The following TMEM178B variants were observed in gnomAD, a reference collection of about 807,000 sequenced individuals.
TMEM178B encodes transmembrane protein 178B.
TMEM178B carries 5 observed loss-of-function variants against 31.0 expected under a neutral mutation model. That is an observed-to-expected ratio of 0.16 (90% CI 0.08 to 0.34). The LOEUF is 0.34. Ranked by LOEUF, TMEM178B falls within the 10% of genes least tolerant of loss-of-function variation. The pLI, the probability that TMEM178B is intolerant of heterozygous loss-of-function variation, is 1.00. For missense variants in TMEM178B, 275 were observed against 400.3 expected (o/e 0.69, Z 2.67); for synonymous variants, 164 against 164.0 (o/e 1.00, Z 0.00).
At chr7:141,381,101 A>G (rs761840465) in intron 2 of TMEM178B, among the ~76,000 whole-genome samples, 1 of 152,214 alleles carries the variant, frequency 6.6e-6, no homozygotes, top group Non-Finnish European at 1.5e-5. Flanking sequence ...GAGTGAGGTG[A>G]GACAAATGGA....
intron 2 of TMEM178B, among the ~76,000 whole-genome samples, chr7:141,317,618 G>A (rs1402755079): frequency 6.6e-6 from 1 of 152,186 alleles, no homozygotes; most frequent in Non-Finnish European, 1.5e-5. Context: ...TGTCTGTCCA[G>A]GAGTGATAGG....
chr7:141,310,058 AT>A (rs1301432637), intron 2 of TMEM178B, among the ~76,000 whole-genome samples: 1 of 152,226 alleles, frequency 6.6e-6, no homozygotes, highest in African/African-American at 2.4e-5. Flanking sequence ...GTCAAAAGCA[AT>A]TGCAACAAAA....
At chr7:141,239,368 G>C (rs895823328) in intron 2 of TMEM178B, among the ~76,000 whole-genome samples, 1 of 152,144 alleles carries the variant, frequency 6.6e-6, no homozygotes, top group Non-Finnish European at 1.5e-5. Context: ...CGGCAATGGA[G>C]TTGCAGCAAA....
At chr7:141,129,470 AG>A (rs1044207851) in intron 1 of TMEM178B, among the ~76,000 whole-genome samples, 5 of 152,208 alleles carry the variant, frequency 3.3e-5, no homozygotes, top group African/African-American at 1.2e-4. Context: ...CCATGTCACC[AG>A]CACTCAGATC....
intron 2 of TMEM178B, among the ~76,000 whole-genome samples, chr7:141,257,369 T>G (rs1406949869): frequency 6.6e-6 from 1 of 152,230 alleles, no homozygotes; most frequent in Admixed American, 6.5e-5. Context: ...TAGCTCTTGC[T>G]GTTGAGAGTT....
At chr7:141,413,401 C>T (rs1801031456) in intron 2 of TMEM178B, among the ~76,000 whole-genome samples, 1 of 152,138 alleles carries the variant, frequency 6.6e-6, no homozygotes, top group Admixed American at 6.5e-5. Flanking sequence ...AAGATTGCCT[C>T]ATGGACAAAT....
chr7:141,499,351 C>T, the TMEM178B span, among the ~76,000 whole-genome samples: 4,093 of 150,236 alleles, frequency 0.027, 188 homozygotes, highest in African/African-American at 0.096. Flanking sequence ...AAGACGGCTG[C>T]ATGTTGTGGC....
At chr7:141,228,837 C>T (rs908636849) in intron 2 of TMEM178B, among the ~76,000 whole-genome samples, 13 of 152,072 alleles carry the variant, frequency 8.5e-5, no homozygotes, top group South Asian at 2.1e-4. Flanking sequence ...TGATCAACTT[C>T]GTCATCATTG....
At position 141,479,965 on chromosome 7, in the gene TMEM178B, T is replaced by G. The variant is rs1802444323; in HGVS notation, c.*9179T>G. The G allele has an allele frequency of 6.6e-6, 1 of 152,228 alleles. No individual in the cohort carries two copies. Among genetic ancestry groups the G allele is most frequent in the Non-Finnish European group, 1.5e-5 (1 of 68,040 alleles). 9.4% of individuals were successfully genotyped at this position (152,228 alleles called of 1,614,324 possible). On this transcript the variant is annotated 3_prime_UTR_variant, in exon 4 of 4. Coordinates refer to ENST00000565468, the MANE Select transcript of TMEM178B (RefSeq NM_001195278.2). Reference sequence around the variant, plus strand: ...ATATGATGTGAATAAATGTGTTGTTTAATCTTAACAAGAATGCTACATCTT... The same window carrying G: ...ATATGATGTGAATAAATGTGTTGTTGAATCTTAACAAGAATGCTACATCTT...
chr7:141,455,973 C>T (rs914592988), intron 3 of TMEM178B, among the ~76,000 whole-genome samples: 1 of 152,262 alleles, frequency 6.6e-6, no homozygotes, highest in Admixed American at 6.5e-5. Flanking sequence ...GGAGAGATTT[C>T]ATTCAGGACA....
chr7:141,127,325 T>C (rs1032676722), intron 1 of TMEM178B, among the ~76,000 whole-genome samples: 1 of 152,234 alleles, frequency 6.6e-6, no homozygotes, highest in Admixed American at 6.5e-5. Flanking sequence ...AAAAGTTATG[T>C]TCATGTCCTA....
intron 2 of TMEM178B, among the ~76,000 whole-genome samples, chr7:141,301,152 A>G (rs1307996937): frequency 3.3e-5 from 5 of 152,214 alleles, no homozygotes; most frequent in African/African-American, 1.2e-4. Context: ...CCACCCAGGA[A>G]GTGAGCTTAT....
the TMEM178B span, among the ~76,000 whole-genome samples, chr7:141,493,115 G>A: frequency 6.6e-6 from 1 of 152,078 alleles, no homozygotes; most frequent in Non-Finnish European, 1.5e-5. Context: ...GAACACTGGT[G>A]GTACATGTCT....
At chr7:141,247,501 C>A (rs1004865466) in intron 2 of TMEM178B, among the ~76,000 whole-genome samples, 2 of 152,170 alleles carry the variant, frequency 1.3e-5, no homozygotes, top group African/African-American at 4.8e-5. Flanking sequence ...TGTTTGAATT[C>A]AGCTGCCTCC....
At chr7:141,155,027 G>A (rs967679817) in intron 1 of TMEM178B, among the ~76,000 whole-genome samples, 2 of 152,036 alleles carry the variant, frequency 1.3e-5, no homozygotes, top group South Asian at 2.1e-4. Flanking sequence ...ACTGCACCTC[G>A]CCCAGCTGTT....
intron 1 of TMEM178B, among the ~76,000 whole-genome samples, chr7:141,184,292 T>A (rs2129184253): frequency 6.6e-6 from 1 of 152,364 alleles, no homozygotes; most frequent in African/African-American, 2.4e-5. Flanking sequence ...GTTGCTTTAT[T>A]GTCTTGGATC....
At chr7:141,268,430 C>G (rs938835393) in intron 2 of TMEM178B, among the ~76,000 whole-genome samples, 1 of 152,216 alleles carries the variant, frequency 6.6e-6, no homozygotes, top group Non-Finnish European at 1.5e-5. Context: ...CCTGCAGCAG[C>G]AGGTCATACA....
In TMEM178B at chr7:141,318,616, T is replaced by G. The variant is rs1197678040; in HGVS notation, c.496+105912T>G. The stretch of plus-strand genomic sequence containing the variant: ...ACCCGTGCTGTGTTGCCCAGTTGTT[T>G]GATAGCTAAACCTATGCCACCCCTT... On this transcript the variant is annotated intron_variant, in intron 2 of 3. Coordinates refer to ENST00000565468, the MANE Select transcript of TMEM178B (RefSeq NM_001195278.2). The surrounding 1 kb of genome is among the most constrained non-coding windows in gnomAD (Gnocchi z 4.1). Among the ~76,000 whole-genome samples, 1 of 152,216 alleles carries G rather than the reference T, an allele frequency of 6.6e-6. No individual in the cohort carries two copies. Among genetic ancestry groups the G allele is most frequent in the Non-Finnish European group, 1.5e-5 (1 of 68,038 alleles).
At chr7:141,286,150 CA>C (rs1184450539) in intron 2 of TMEM178B, among the ~76,000 whole-genome samples, 1 of 152,062 alleles carries the variant, frequency 6.6e-6, no homozygotes, top group African/African-American at 2.4e-5. Context: ...TCCTGTAAAT[CA>C]AACGACTTAC....
Sources: gnomAD v4.1 joint callset for allele counts (sites outside exome capture counted in the v4.1 genomes callset) on GRCh38, gnomAD v4.1.1 for gene constraint, Gnocchi (gnomAD v3.1) non-coding constraint, MANE v1.5 for transcripts, NCBI Gene and HGNC (gene_info 2026-07-23, HGNC 2026-07-21) for gene names.